Variants in MAPK10 observed in about 807,000 individuals in gnomAD.
MAPK10 encodes JNK3 alpha protein kinase.
Under a neutral mutation model 59.3 loss-of-function variants are expected in MAPK10, and 25 were observed. The ratio of observed to expected loss-of-function variants is 0.42; its 90% CI spans 0.31 to 0.59. The LOEUF (loss-of-function observed/expected upper bound fraction) is 0.59, where lower values mean the gene tolerates loss of function less well. Among genes scored for constraint, MAPK10 ranks in the 20% least tolerant of loss-of-function variants. The pLI is 0.15. For missense variants in MAPK10, 351 were observed against 568.9 expected (o/e 0.62, Z 3.90); for synonymous variants, 190 against 200.5 (o/e 0.95, Z 0.44).
At chr4:86,369,007 C>T (rs1049463450) in intron 1 of MAPK10, among the ~76,000 whole-genome samples, 2 of 152,084 alleles carry the variant, frequency 1.3e-5, no homozygotes, top group African/African-American at 4.8e-5. Flanking sequence ...GCCAGACATC[C>T]TCAGGTTTAC....
intron 1 of MAPK10, among the ~76,000 whole-genome samples, chr4:86,480,658 C>A (rs1179837854): frequency 6.6e-6 from 1 of 152,126 alleles, no homozygotes; most frequent in African/African-American, 2.4e-5. Flanking sequence ...ATTTCCATAA[C>A]CCCTGCTGGA....
At chr4:86,500,609 C>G (rs2149079031) in intron 1 of MAPK10, among the ~76,000 whole-genome samples, 1 of 152,160 alleles carries the variant, frequency 6.6e-6, no homozygotes, top group South Asian at 2.1e-4. Flanking sequence ...GAACTCAGTT[C>G]TATATATTTA....
intron 2 of MAPK10, among the ~76,000 whole-genome samples, chr4:86,237,315 T>C (rs949232622): frequency 4.6e-5 from 7 of 152,206 alleles, no homozygotes; most frequent in African/African-American, 1.7e-4. Context: ...GCAATAAACA[T>C]ATGTGTGCAT....
rs966034330 is a variant in MAPK10, at chr4:86,496,158, A to G, written c.-263+97752T>C. Among the ~76,000 whole-genome samples the G allele has an allele frequency of 4.6e-5, 7 of 152,328 alleles. No homozygotes were observed. The East Asian group carries it at 5.8e-4, about 13-fold the overall frequency. ...ACTTCAAATTAACCCAAGGATCTAA[A>G]TAATGCAAAACCTGATATTAGCTAC... On this transcript the variant is annotated intron_variant, in intron 1 of 4. Transcript: ENST00000502302.
chr4:86,573,332 C>T (rs1761612354), intron 1 of MAPK10, among the ~76,000 whole-genome samples: 1 of 152,138 alleles, frequency 6.6e-6, no homozygotes, highest in South Asian at 2.1e-4. Flanking sequence ...CAGTTTTCTG[C>T]ATATGGATGT....
chr4:86,179,416 A>C (rs2076405478), intron 3 of MAPK10, among the ~76,000 whole-genome samples: 1 of 152,138 alleles, frequency 6.6e-6, no homozygotes, highest in South Asian at 2.1e-4. Context: ...ATATTGTTAA[A>C]TGACCATACT....
chr4:86,223,176 C>A (rs1583127784), intron 2 of MAPK10, among the ~76,000 whole-genome samples: 2 of 152,130 alleles, frequency 1.3e-5, no homozygotes, highest in African/African-American at 2.4e-5. Context: ...TTAAATTTTA[C>A]CATTTAGGGT....
chr4:86,363,832 G>A (rs1737393347), upstream of MAPK10, among the ~76,000 whole-genome samples: 1 of 151,882 alleles, frequency 6.6e-6, no homozygotes, highest in South Asian at 2.1e-4. Context: ...GCCCAGGTGG[G>A]AGTGCAGTGG....
chr4:86,193,708 C>T (rs2080513014), intron 3 of MAPK10: 1 of 154,978 alleles, frequency 6.5e-6, no homozygotes, highest in Admixed American at 6.5e-5. Context: ...GGGTGGGATC[C>T]CCTAAGCTAG....
At chr4:86,290,448 C>T (rs558515707) in intron 2 of MAPK10, among the ~76,000 whole-genome samples, 21 of 152,332 alleles carry the variant, frequency 1.4e-4, no homozygotes, top group African/African-American at 3.4e-4. Context: ...ATACTGGCAA[C>T]GGCCAATCTA....
chr4:86,061,066 CA>C (rs2045665101), intron 11 of MAPK10, among the ~76,000 whole-genome samples: 1 of 152,130 alleles, frequency 6.6e-6, no homozygotes, highest in South Asian at 2.1e-4. Flanking sequence ...TTTAACTTTT[CA>C]AAATCTCAGA....
Position 86,273,751 on chromosome 4 carries a change from T to C in MAPK10, c.-6-79344A>G, listed in dbSNP as rs185808944. On this transcript the variant is annotated intron_variant, in intron 2 of 13. Coordinates refer to ENST00000641462, the MANE Select transcript of MAPK10 (RefSeq NM_138982.4). ...TTAAAATAACTTAGGGGGTAAAGCATTGGTGCTTTTCCTTATAGTTGTGAG... is the reference window on the plus strand; with the variant it reads ...TTAAAATAACTTAGGGGGTAAAGCACTGGTGCTTTTCCTTATAGTTGTGAG... 5.8e-3 allele frequency among the ~76,000 whole-genome samples: 883 copies of C among 152,134 alleles called. 8 individuals are homozygous for C. The highest frequency in any genetic ancestry group is 0.02 in the African/African-American group (830 of 41,550).
chr4:86,471,000 G>C (rs1156750447), intron 1 of MAPK10, among the ~76,000 whole-genome samples: 2 of 152,234 alleles, frequency 1.3e-5, no homozygotes, highest in East Asian at 3.9e-4. Flanking sequence ...GCTGGGCATG[G>C]TGGCTCACAC....
intron 2 of MAPK10, among the ~76,000 whole-genome samples, chr4:86,304,518 G>A (rs2095531167): frequency 6.8e-6 from 1 of 147,068 alleles, no homozygotes; most frequent in Admixed American, 6.8e-5. Context: ...TCAGCCTCCC[G>A]AGTAGCTGGG....
chr4:86,472,651 CA>C (rs1293546193), intron 1 of MAPK10, among the ~76,000 whole-genome samples: 56 of 143,308 alleles, frequency 3.9e-4, no homozygotes, highest in South Asian at 4.4e-4. Flanking sequence ...ATCCTGTCTC[CA>C]AAAAAAAAAA....
At chr4:86,523,127 A>C (rs950479472) in intron 1 of MAPK10, among the ~76,000 whole-genome samples, 2 of 152,184 alleles carry the variant, frequency 1.3e-5, no homozygotes, top group African/African-American at 4.8e-5. Flanking sequence ...GATATTATTA[A>C]TACCTTTATT....
chr4:86,052,291 A>G (rs2043705993), intron 11 of MAPK10, among the ~76,000 whole-genome samples: 2 of 152,160 alleles, frequency 1.3e-5, no homozygotes, highest in Admixed American at 6.6e-5. Context: ...TCTATAAATG[A>G]TAATCTAGTC....
At chr4:86,479,966 G>A (rs923982973) in intron 1 of MAPK10, among the ~76,000 whole-genome samples, 28 of 151,574 alleles carry the variant, frequency 1.8e-4, no homozygotes, top group South Asian at 1.0e-3. Context: ...GAGAAACATC[G>A]CCCATTATCT....
At chr4:86,460,132 C>T (rs947093599) in intron 1 of MAPK10, among the ~76,000 whole-genome samples, 3 of 152,126 alleles carry the variant, frequency 2.0e-5, no homozygotes, top group Admixed American at 2.0e-4. Context: ...CTATGGGTTT[C>T]AGCAACTGGG....
Sources: gnomAD v4.1 joint callset for allele counts (sites outside exome capture counted in the v4.1 genomes callset) on GRCh38, gnomAD v4.1.1 for gene constraint, MANE v1.5 for transcripts, NCBI Gene and HGNC (gene_info 2026-07-23, HGNC 2026-07-21) for gene names.